Variants in SRGAP1 observed in about 807,000 individuals in gnomAD.
SRGAP1 encodes SLIT-ROBO Rho GTPase activating protein 1, also known as SLIT-ROBO Rho GTPase-activating protein 1.
In SRGAP1, 43 loss-of-function variants were observed where a neutral mutation model predicts 121.9. The ratio of observed to expected loss-of-function variants is 0.35; its 90% CI spans 0.28 to 0.46. The LOEUF (loss-of-function observed/expected upper bound fraction) is 0.46. SRGAP1 is among the 20% of genes least tolerant of loss of function. SRGAP1 has a pLI of 1.00. For missense variants in SRGAP1, 1,102 were observed against 1,350.9 expected (o/e 0.82, Z 2.89); for synonymous variants, 447 against 485.4 (o/e 0.92, Z 1.04).
rs185453144 is a variant in SRGAP1, at chr12:64,018,158, C to T, written c.489+1146C>T. On this transcript the variant is annotated intron_variant, in intron 4 of 21. Transcript: ENST00000355086. Reference sequence around the variant, plus strand: ...AGGCTGGAGTGCAGTGGCACAATCTCGGTCACTGCAACCTCTGCCTCCCGG... The same window carrying T: ...AGGCTGGAGTGCAGTGGCACAATCTTGGTCACTGCAACCTCTGCCTCCCGG... Among the ~76,000 whole-genome samples, 81 of 152,250 alleles carry T rather than the reference C, an allele frequency of 5.3e-4. 1 individual carries two copies. In the Middle Eastern group the frequency reaches 0.01, roughly 19 times the overall value.
At chr12:64,041,849 G>C (rs1166391240) in intron 4 of SRGAP1, among the ~76,000 whole-genome samples, 1 of 146,506 alleles carries the variant, frequency 6.8e-6, no homozygotes, top group Non-Finnish European at 1.5e-5. Flanking sequence ...ATCTTTGATT[G>C]CTTTTTATTT....
intron 1 of SRGAP1, among the ~76,000 whole-genome samples, chr12:63,899,830 AT>A (rs1900876806): frequency 6.6e-6 from 1 of 152,216 alleles, no homozygotes; most frequent in Non-Finnish European, 1.5e-5. Flanking sequence ...TATATTATAT[AT>A]GTTTGTAAGT....
chr12:63,962,543 G>A (rs1333220012), intron 1 of SRGAP1, among the ~76,000 whole-genome samples: 1 of 152,084 alleles, frequency 6.6e-6, no homozygotes, highest in African/African-American at 2.4e-5. Context: ...GAGTACCGGG[G>A]ATTACAGGCG....
chr12:63,910,292 T>A (rs2030431626), intron 1 of SRGAP1, among the ~76,000 whole-genome samples: 1 of 152,220 alleles, frequency 6.6e-6, no homozygotes, highest in South Asian at 2.1e-4. Flanking sequence ...TTCTTTATTG[T>A]TAGATTTTAT....
chr12:63,923,384 A>T (rs1215253828), intron 1 of SRGAP1, among the ~76,000 whole-genome samples: 1 of 152,218 alleles, frequency 6.6e-6, no homozygotes, highest in Non-Finnish European at 1.5e-5. Context: ...TATTTTGTTT[A>T]TACATTAATA....
In SRGAP1 at chr12:64,142,962, C is replaced by T; in HGVS notation, c.*290C>T. The T allele has an allele frequency of 2.7e-6, 1 of 373,328 alleles. No individual in the cohort carries two copies. Among genetic ancestry groups the T allele is most frequent in the Non-Finnish European group, 5.0e-6 (1 of 201,380 alleles). The allele number at this position is 373,328 out of a possible 1,614,324, so 23.1% of individuals were successfully genotyped here. On this transcript the variant is annotated 3_prime_UTR_variant, in exon 22 of 22. Transcript: ENST00000355086. ...CTTGTAATGAAGGCAACACCGCTCTCCACATTGTACAGAGCTTCAGGTTTA... is the reference window on the plus strand; with the variant it reads ...CTTGTAATGAAGGCAACACCGCTCTTCACATTGTACAGAGCTTCAGGTTTA...
intron 1 of SRGAP1, among the ~76,000 whole-genome samples, chr12:63,926,456 T>G (rs917894532): frequency 6.6e-6 from 1 of 152,162 alleles, no homozygotes; most frequent in Non-Finnish European, 1.5e-5. Flanking sequence ...CCAGCTGAAT[T>G]TAGACCAACT....
chr12:64,100,920 T>C lies in SRGAP1; in HGVS notation c.1813+3545T>C, dbSNP rs1237272487. Reference sequence around the variant, plus strand: ...GTATCCCCTTATCAATATTGCAGACTTTTGACGATTTGAACCAAGTTGATT... The same window carrying C: ...GTATCCCCTTATCAATATTGCAGACCTTTGACGATTTGAACCAAGTTGATT... On this transcript the variant is annotated intron_variant, in intron 15 of 21. Coordinates refer to ENST00000355086, the MANE Select transcript of SRGAP1 (RefSeq NM_020762.4). 2.6e-5 allele frequency among the ~76,000 whole-genome samples: 4 copies of C among 152,274 alleles called. No individual in the cohort carries two copies. In the East Asian group the frequency reaches 7.7e-4, roughly 29 times the overall value.
intron 6 of SRGAP1, among the ~76,000 whole-genome samples, chr12:64,055,109 G>A (rs1377429357): frequency 1.3e-5 from 2 of 151,002 alleles, no homozygotes; most frequent in Admixed American, 1.3e-4. Context: ...AAACCCCAAT[G>A]TCTCAGCCCA....
Position 64,040,305 on chromosome 12 carries a change from T to A in SRGAP1, c.490-2485T>A, listed in dbSNP as rs551413904. Among the ~76,000 whole-genome samples, 3 of 152,322 alleles carry A rather than the reference T, an allele frequency of 2.0e-5. No individual in the cohort carries two copies. The East Asian group carries it at 5.8e-4, about 29-fold the overall frequency. ...TTGAAATGAGAAAAATCAAATTCAT[T>A]ACTTGAAAACATTGCATTATTCTCA... On this transcript the variant is annotated intron_variant, in intron 4 of 21. Transcript: ENST00000355086.
At chr12:64,081,203 G>A (rs1565672281) in intron 10 of SRGAP1, 1 of 152,284 alleles carries the variant, frequency 6.6e-6, no homozygotes, top group Non-Finnish European at 1.5e-5. Context: ...GTTAGAAAAA[G>A]TAAAAGAGAA....
rs1269231779 is a variant in SRGAP1 at position 64,155,083 on chromosome 12, C to CA, written c.*12412dup. On this transcript the variant is annotated 3_prime_UTR_variant, in exon 22 of 22. Transcript: ENST00000355086. Reference sequence around the variant, plus strand: ...TTTTTGAGACAGAGTCTCACTCTGTCACCCAGGCTGGAGTGCAGTGGCATG... The same window carrying CA: ...TTTTTGAGACAGAGTCTCACTCTGTCAACCCAGGCTGGAGTGCAGTGGCATG... The CA allele has an allele frequency of 6.6e-6, 1 of 151,854 alleles. No homozygotes were observed. Among genetic ancestry groups the CA allele is most frequent in the African/African-American group, 2.4e-5 (1 of 41,324 alleles). 9.4% of individuals were successfully genotyped at this position (151,854 alleles called of 1,614,324 possible). A position where few individuals can be genotyped will look rare whatever the true frequency, so the allele number is the denominator to read the frequency against.
chr12:63,977,079 T>C (rs2033114489), intron 1 of SRGAP1, among the ~76,000 whole-genome samples: 1 of 152,064 alleles, frequency 6.6e-6, no homozygotes, highest in Admixed American at 6.6e-5. Context: ...CTGCTCCAAA[T>C]TTTTAGCCTA....
chr12:64,083,916 G>A (rs1288469644), intron 10 of SRGAP1, among the ~76,000 whole-genome samples: 1 of 152,192 alleles, frequency 6.6e-6, no homozygotes, highest in African/African-American at 2.4e-5. Context: ...ACAATCCATT[G>A]TCTGTCTTTG....
chr12:64,092,069 G>A, intron 12 of SRGAP1: 3 of 677,946 alleles, frequency 4.4e-6, no homozygotes, highest in Non-Finnish European at 7.4e-6. Flanking sequence ...TTATAAATAG[G>A]TTTTACTTAG....
At chr12:64,047,601 T>A (rs187539109) in intron 6 of SRGAP1, among the ~76,000 whole-genome samples, 1 of 152,172 alleles carries the variant, frequency 6.6e-6, no homozygotes, top group African/African-American at 2.4e-5. Context: ...TTATAAAGAG[T>A]CAGAGAATTA....
intron 1 of SRGAP1, among the ~76,000 whole-genome samples, chr12:63,903,869 G>A (rs912277463): frequency 8.6e-5 from 13 of 151,870 alleles, no homozygotes; most frequent in African/African-American, 2.9e-4. Context: ...TCCTGACCTC[G>A]TGATCTGCCC....
chr12:64,029,606 T>C (rs1008579234), intron 4 of SRGAP1, among the ~76,000 whole-genome samples: 1 of 151,892 alleles, frequency 6.6e-6, no homozygotes, highest in Non-Finnish European at 1.5e-5. Flanking sequence ...AAGAGGAGAG[T>C]GTGTGACGGA....
intron 1 of SRGAP1, among the ~76,000 whole-genome samples, chr12:63,978,002 A>G (rs1488022447): frequency 6.6e-6 from 1 of 152,130 alleles, no homozygotes; most frequent in Non-Finnish European, 1.5e-5. Context: ...CTATTAGGTA[A>G]ATCTTTTCTA....
Sources: gnomAD v4.1 joint callset for allele counts (sites outside exome capture counted in the v4.1 genomes callset) on GRCh38, gnomAD v4.1.1 for gene constraint, MANE v1.5 for transcripts, NCBI Gene and HGNC (gene_info 2026-07-23, HGNC 2026-07-21) for gene names.